The following SOX5 variants were observed in gnomAD, a reference collection of about 807,000 sequenced individuals.
SOX5 encodes SRY-box transcription factor 5, also known as transcription factor SOX-5.
Under a neutral mutation model 92.0 loss-of-function variants are expected in SOX5, and 9 were observed. The observed-to-expected ratio is 0.10, with a 90% CI of 0.06 to 0.17. SOX5 has a LOEUF of 0.17. Among genes scored for constraint, SOX5 ranks in the 10% least tolerant of loss-of-function variants. The probability of loss-of-function intolerance (pLI) is 1.00; values close to 1 mark genes in which losing one functional copy is unlikely to be tolerated. For synonymous variants in SOX5, 344 were observed against 336.3 expected (o/e 1.02, Z -0.25); for missense variants, 642 against 944.5 (o/e 0.68, Z 4.20).
intron 3 of SOX5, among the ~76,000 whole-genome samples, chr12:23,804,672 T>A (rs2095725603): frequency 1.3e-5 from 2 of 151,764 alleles, no homozygotes; most frequent in African/African-American, 2.4e-5. Context: ...ACCTCTATGC[T>A]CTTAGTTGAA....
chr12:24,071,594 C>T (rs1008387630), intron 4 of SOX5, among the ~76,000 whole-genome samples: 13 of 152,044 alleles, frequency 8.6e-5, no homozygotes, highest in Non-Finnish European at 1.2e-4. Context: ...CCACCACGCC[C>T]GGCTAATTTT....
At chr12:23,779,788 AATATATATATAT>A (rs1172787679) in intron 3 of SOX5, among the ~76,000 whole-genome samples, 2 of 110,564 alleles carry the variant, frequency 1.8e-5, no homozygotes, top group Admixed American at 9.1e-5. Flanking sequence ...CACAGATTAA[AATATATATATAT>A]ATATATATAT....
intron 11 of SOX5, among the ~76,000 whole-genome samples, chr12:23,558,299 T>A (rs531384918): frequency 9.2e-5 from 14 of 152,308 alleles, no homozygotes; most frequent in African/African-American, 3.4e-4. Context: ...TGGCCAGTAA[T>A]GGTCTTAAAG....
At chr12:24,379,726 A>G (rs1957626114) in intron 1 of SOX5, among the ~76,000 whole-genome samples, 1 of 151,752 alleles carries the variant, frequency 6.6e-6, no homozygotes, top group African/African-American at 2.4e-5. Flanking sequence ...GCCCAACTAC[A>G]TTCCTGTCCT....
chr12:24,270,360 A>T (rs1162859411), intron 3 of SOX5, among the ~76,000 whole-genome samples: 1 of 152,132 alleles, frequency 6.6e-6, no homozygotes, highest in African/African-American at 2.4e-5. Flanking sequence ...GCCTGGCCTA[A>T]TGTGGGGAAC....
intron 5 of SOX5, among the ~76,000 whole-genome samples, chr12:23,739,268 A>C (rs563685119): frequency 6.6e-6 from 1 of 151,994 alleles, no homozygotes; most frequent in East Asian, 1.9e-4. Flanking sequence ...AGCTGAAACT[A>C]TATCACCTCC....
At chr12:24,298,213 C>T (rs959025056) in intron 2 of SOX5, among the ~76,000 whole-genome samples, 5 of 152,020 alleles carry the variant, frequency 3.3e-5, no homozygotes, top group Admixed American at 1.3e-4. Context: ...ACCACAAGCA[C>T]GCACCACCAC....
intron 2 of SOX5, among the ~76,000 whole-genome samples, chr12:23,880,617 G>A (rs1568581063): frequency 6.6e-6 from 1 of 151,998 alleles, no homozygotes; most frequent in Non-Finnish European, 1.5e-5. Context: ...AATAATACAG[G>A]GAATGAAGTA....
chr12:24,071,521 G>A (rs1431538091), intron 4 of SOX5, among the ~76,000 whole-genome samples: 1 of 152,116 alleles, frequency 6.6e-6, no homozygotes, highest in African/African-American at 2.4e-5. Flanking sequence ...TGCAAGCTCT[G>A]CCTCCCAGGT....
intron 4 of SOX5, among the ~76,000 whole-genome samples, chr12:24,056,055 C>T (rs1033257909): frequency 7.2e-5 from 11 of 152,154 alleles, no homozygotes; most frequent in African/African-American, 2.7e-4. Flanking sequence ...TTTTAAACAT[C>T]GTTGTGCCAT....
intron 6 of SOX5, among the ~76,000 whole-genome samples, chr12:23,671,909 A>G (rs1056103379): frequency 1.6e-4 from 24 of 152,160 alleles, no homozygotes; most frequent in Admixed American, 4.6e-4. Flanking sequence ...GATTTTTTAC[A>G]TAGTACTCTT....
intron 3 of SOX5, among the ~76,000 whole-genome samples, chr12:23,758,973 A>G (rs1232721227): frequency 6.6e-6 from 1 of 151,504 alleles, no homozygotes; most frequent in Non-Finnish European, 1.5e-5. Context: ...TTCTTTATAA[A>G]TCATTCAGTC....
intron 4 of SOX5, among the ~76,000 whole-genome samples, chr12:24,194,105 T>G (rs1037543931): frequency 3.9e-5 from 6 of 152,176 alleles, no homozygotes; most frequent in Non-Finnish European, 5.9e-5. Context: ...CAGTTCTAAT[T>G]GACAATAAAA....
At chr12:24,350,987 G>A (rs1954010060) in intron 2 of SOX5, among the ~76,000 whole-genome samples, 1 of 152,136 alleles carries the variant, frequency 6.6e-6, no homozygotes, top group Admixed American at 6.5e-5. Context: ...GAGCCCAGGA[G>A]CTGGAGGTTG....
At chr12:24,459,453 C>T (rs1156669848) in intron 1 of SOX5, among the ~76,000 whole-genome samples, 2 of 152,114 alleles carry the variant, frequency 1.3e-5, no homozygotes, top group Non-Finnish European at 2.9e-5. Context: ...ATTTCTTGTG[C>T]TAAATAATGT....
chr12:23,929,166 AAAC>A (rs968587543), intron 1 of SOX5, among the ~76,000 whole-genome samples: 2 of 151,940 alleles, frequency 1.3e-5, no homozygotes, highest in Non-Finnish European at 2.9e-5. Context: ...GCAACTCCTT[AAAC>A]AACAATGCAT....
chr12:24,120,046 C>A (rs971159574), intron 4 of SOX5, among the ~76,000 whole-genome samples: 1 of 152,138 alleles, frequency 6.6e-6, no homozygotes, highest in Non-Finnish European at 1.5e-5. Context: ...TAAGAATAAA[C>A]CACTATTTAT....
intron 1 of SOX5, among the ~76,000 whole-genome samples, chr12:24,478,335 T>C (rs1860636338): frequency 6.6e-6 from 1 of 152,226 alleles, no homozygotes; most frequent in African/African-American, 2.4e-5. Flanking sequence ...CTGTTTGTAC[T>C]TTTCTCATTT....
chr12:24,245,234 T>TG (rs1491405798), intron 3 of SOX5, among the ~76,000 whole-genome samples: 8 of 109,204 alleles, frequency 7.3e-5, no homozygotes, highest in African/African-American at 2.0e-4. Flanking sequence ...TTTGGAGAGA[T>TG]TTGTGTGTGT....
Sources: gnomAD v4.1 joint callset for allele counts (sites outside exome capture counted in the v4.1 genomes callset) on GRCh38, gnomAD v4.1.1 for gene constraint, MANE v1.5 for transcripts, NCBI Gene and HGNC (gene_info 2026-07-23, HGNC 2026-07-21) for gene names.